PTPRN2: variants seen among roughly 807,000 people sequenced by gnomAD.
PTPRN2 encodes protein tyrosine phosphatase receptor type N2, also known as receptor-type tyrosine-protein phosphatase N2.
In PTPRN2, 74 loss-of-function variants were observed where a neutral mutation model predicts 118.8. The ratio of observed to expected loss-of-function variants is 0.62; its 90% CI spans 0.52 to 0.76. The LOEUF is 0.76. PTPRN2 is among the 30% of genes least tolerant of loss of function. PTPRN2 has a pLI of 0.00. For synonymous variants in PTPRN2, 641 were observed against 608.0 expected (o/e 1.05, Z -0.80); for missense variants, 1,481 against 1,394.4 (o/e 1.06, Z -0.99).
chr7:157,707,026 G>A (rs1798368909), intron 12 of PTPRN2, among the ~76,000 whole-genome samples: 1 of 152,106 alleles, frequency 6.6e-6, no homozygotes, highest in Non-Finnish European at 1.5e-5. Flanking sequence ...GATCAAGGTG[G>A]ACCACATCCC....
chr7:157,876,713 G>A (rs997899083), intron 12 of PTPRN2, among the ~76,000 whole-genome samples: 2 of 152,170 alleles, frequency 1.3e-5, no homozygotes, highest in Non-Finnish European at 2.9e-5. Flanking sequence ...CGGGGGCAGC[G>A]GGAATGGTGC....
In PTPRN2 at chr7:157,898,849, C is replaced by T. The variant is rs569133958; in HGVS notation, c.1724-112G>A. ...ATTTCAATTACATGACTGCTTGACC[C>T]GCCTACCTTAATGGAAGGGTCATGA... is the stretch of plus-strand genomic sequence containing the variant. On this transcript the variant is annotated intron_variant, in intron 11 of 22. Coordinates refer to ENST00000389418, the MANE Select transcript of PTPRN2 (RefSeq NM_002847.5). The T allele has an allele frequency of 7.2e-5, 67 of 927,002 alleles. No homozygotes were observed. In the Middle Eastern group the frequency reaches 1.3e-3, roughly 18 times the overall value. The allele number at this position is 927,002 out of a possible 1,614,324, so 57.4% of individuals were successfully genotyped here.
In PTPRN2 at chr7:157,601,373, C is replaced by T. The variant is rs191078282; in HGVS notation, c.2418+2629G>A. Among the ~76,000 whole-genome samples the T allele has an allele frequency of 7.9e-5, 12 of 152,140 alleles. No individual in the cohort carries two copies. The East Asian group carries it at 2.3e-3, about 29-fold the overall frequency. On this transcript the variant is annotated intron_variant, in intron 16 of 22. Transcript: ENST00000389418. Reference sequence around the variant, plus strand: ...CAGCTGCTGCTAGGAAGGTAATTATCATTGTACCTTCAGCTATTTCATAAA... The same window carrying T: ...CAGCTGCTGCTAGGAAGGTAATTATTATTGTACCTTCAGCTATTTCATAAA...
chr7:158,271,173 G>A (rs559358659), intron 3 of PTPRN2, among the ~76,000 whole-genome samples: 171 of 149,978 alleles, frequency 1.1e-3, no homozygotes, highest in South Asian at 4.5e-3. Context: ...AACAAAATTC[G>A]ACTCTAGTGG....
intron 11 of PTPRN2, among the ~76,000 whole-genome samples, chr7:157,925,504 C>T (rs955683549): frequency 2.6e-5 from 4 of 152,218 alleles, no homozygotes; most frequent in African/African-American, 4.8e-5. Context: ...CTCGTGGTCC[C>T]GGGTCCCAAC....
intron 3 of PTPRN2, among the ~76,000 whole-genome samples, chr7:158,255,573 A>G (rs920120369): frequency 1.5e-5 from 2 of 131,596 alleles, no homozygotes; most frequent in Non-Finnish European, 3.4e-5. Flanking sequence ...GAATTACACA[A>G]TCATGTAGCT....
At chr7:157,705,433 C>T (rs1032649520) in intron 12 of PTPRN2, among the ~76,000 whole-genome samples, 9 of 152,338 alleles carry the variant, frequency 5.9e-5, no homozygotes, top group South Asian at 2.1e-4. Flanking sequence ...GTGAATCTGA[C>T]GCCAGAGCCT....
Position 158,110,982 on chromosome 7 carries a change from T to C in PTPRN2, c.1557-67A>G, listed in dbSNP as rs1816209063. On this transcript the variant is annotated intron_variant, in intron 9 of 22. Transcript: ENST00000389418. ...CAGCAGTCCTGGAGAACTAAAGCCCTGTGGCCCCACAGCCCCGCTCCCTGG... is the reference window on the plus strand; with the variant it reads ...CAGCAGTCCTGGAGAACTAAAGCCCCGTGGCCCCACAGCCCCGCTCCCTGG... 10 of 1,382,904 alleles carry C rather than the reference T, an allele frequency of 7.2e-6. No individual in the cohort carries two copies. In the South Asian group the frequency reaches 1.3e-4, roughly 18 times the overall value. 85.7% of individuals were successfully genotyped at this position (1,382,904 alleles called of 1,614,324 possible). A position where few individuals can be genotyped will look rare whatever the true frequency, so the allele number is the denominator to read the frequency against.
intron 2 of PTPRN2, among the ~76,000 whole-genome samples, chr7:158,387,405 G>A (rs1811490036): frequency 7.8e-6 from 1 of 128,542 alleles, no homozygotes; most frequent in African/African-American, 2.9e-5. Context: ...GGTCTCCGCA[G>A]GCTCCAGAGA....
intron 2 of PTPRN2, among the ~76,000 whole-genome samples, chr7:158,374,830 T>C (rs191714167): frequency 6.6e-6 from 1 of 152,354 alleles, no homozygotes; most frequent in African/African-American, 2.4e-5. Context: ...CTGGGTGATG[T>C]AAATGTTCTA....
intron 3 of PTPRN2, among the ~76,000 whole-genome samples, chr7:158,273,444 G>GGGAGGAGCCGCAGACGCA (rs1563072587): frequency 1.1e-5 from 1 of 91,218 alleles, no homozygotes; most frequent in South Asian, 2.9e-4. Context: ...AGACAGACGC[G>GGGAGGAGCCGCAGACGCA]GGAGGAGCCG....
intron 12 of PTPRN2, among the ~76,000 whole-genome samples, chr7:157,727,701 G>A (rs369133563): frequency 2.6e-4 from 39 of 152,328 alleles, no homozygotes; most frequent in African/African-American, 7.9e-4. Flanking sequence ...TGTCGTTTAC[G>A]TAACTATGAG....
intron 11 of PTPRN2, among the ~76,000 whole-genome samples, chr7:158,079,775 AC>A (rs1344102230): frequency 6.6e-6 from 1 of 151,794 alleles, no homozygotes; most frequent in South Asian, 2.1e-4. Flanking sequence ...CGTTGTTGGG[AC>A]CCCCCATTCC....
chr7:158,453,731 A>T (rs534806962), intron 2 of PTPRN2, among the ~76,000 whole-genome samples: 3,429 of 152,364 alleles, frequency 0.023, 50 homozygotes, highest in Non-Finnish European at 0.033. Context: ...GAAAATTGAA[A>T]GCCTCATGTC....
At chr7:157,838,282 C>T (rs1217755726) in intron 12 of PTPRN2, among the ~76,000 whole-genome samples, 2 of 149,420 alleles carry the variant, frequency 1.3e-5, no homozygotes, top group Non-Finnish European at 1.5e-5. Flanking sequence ...GTACCTATTC[C>T]AGTTCCTCTC....
intron 1 of PTPRN2, among the ~76,000 whole-genome samples, chr7:158,513,095 G>A (rs1185633720): frequency 6.6e-6 from 1 of 152,054 alleles, no homozygotes; most frequent in Non-Finnish European, 1.5e-5. Flanking sequence ...GAGGGAAGCG[G>A]GGTGAGGGGG....
At chr7:158,303,935 C>T (rs930096995) in intron 3 of PTPRN2, among the ~76,000 whole-genome samples, 5 of 152,250 alleles carry the variant, frequency 3.3e-5, no homozygotes, top group Admixed American at 3.3e-4. Flanking sequence ...GGCCACAGCC[C>T]CAGGAGAGCC....
intron 5 of PTPRN2, among the ~76,000 whole-genome samples, chr7:158,188,663 G>A (rs538679879): frequency 7.0e-6 from 1 of 143,608 alleles, no homozygotes; most frequent in Non-Finnish European, 1.5e-5. Context: ...GATGGGGAAG[G>A]CCGCCACGCT....
Position 158,541,335 on chromosome 7 carries a change from T to C in PTPRN2, c.112+46223A>G, listed in dbSNP as rs533267869. On this transcript the variant is annotated intron_variant, in intron 1 of 22. Coordinates refer to ENST00000389418, the MANE Select transcript of PTPRN2 (RefSeq NM_002847.5). The stretch of plus-strand genomic sequence containing the variant: ...TGGTGGCATTTAGTGCACTGAGTTT[T>C]GACCTGTCCTGAGCCCTACAAACCT... 9.8e-6 allele frequency: 9 copies of C among 915,032 alleles called. 1 individual carries two copies. The African/African-American group carries it at 1.4e-4, about 14-fold the overall frequency. The allele number at this position is 915,032 out of a possible 1,614,324, so 56.7% of individuals were successfully genotyped here.
Sources: gnomAD v4.1 joint callset for allele counts (sites outside exome capture counted in the v4.1 genomes callset) on GRCh38, gnomAD v4.1.1 for gene constraint, MANE v1.5 for transcripts, NCBI Gene and HGNC (gene_info 2026-07-23, HGNC 2026-07-21) for gene names.